The following ABLIM2 variants were observed in gnomAD, a reference collection of about 807,000 sequenced individuals.
ABLIM2 encodes actin binding LIM protein family member 2.
ABLIM2 carries 53 observed loss-of-function variants against 97.7 expected under a neutral mutation model. That is an observed-to-expected ratio of 0.54 (90% CI 0.44 to 0.68). The LOEUF is 0.68. ABLIM2 is among the 30% of genes least tolerant of loss of function. The pLI is 0.00. For synonymous variants in ABLIM2, 361 were observed against 345.8 expected (o/e 1.04, Z -0.49); for missense variants, 835 against 867.2 (o/e 0.96, Z 0.47).
Position 8,015,810 on chromosome 4 carries a change from G to A in ABLIM2, c.1423+3808C>T, listed in dbSNP as rs921527650. On this transcript the variant is annotated intron_variant, in intron 14 of 20. Transcript: ENST00000447017. The surrounding 1 kb of genome is among the most constrained non-coding windows in gnomAD (Gnocchi z 4.6). ...GGACTGTCCCTGCATCTGGAGAGTC[G>A]AACTTACTGGGAAATGTTGGGGAGC... Among the ~76,000 whole-genome samples, 2 of 152,162 alleles carry A rather than the reference G, an allele frequency of 1.3e-5. No individual in the cohort carries two copies. The highest frequency in any genetic ancestry group is 1.9e-4 in the East Asian group (1 of 5,178).
intron 2 of ABLIM2, among the ~76,000 whole-genome samples, chr4:8,104,539 T>C (rs1836243840): frequency 6.6e-6 from 1 of 152,168 alleles, no homozygotes; most frequent in Admixed American, 6.5e-5. Context: ...TCCCTGATAG[T>C]CACCCACGTC....
At chr4:8,141,856 G>A (rs1293825831) in intron 1 of ABLIM2, among the ~76,000 whole-genome samples, 2 of 152,232 alleles carry the variant, frequency 1.3e-5, no homozygotes, top group Non-Finnish European at 2.9e-5. Flanking sequence ...CCACCTGGGT[G>A]GGGCCAAATG....
Position 8,130,868 on chromosome 4 carries a change from C to A in ABLIM2, c.11-24231G>T, listed in dbSNP as rs1049458000. 6.6e-6 allele frequency among the ~76,000 whole-genome samples: 1 copy of A among 152,206 alleles called. No homozygotes were observed. Among genetic ancestry groups the A allele is most frequent in the African/African-American group, 2.4e-5 (1 of 41,442 alleles). Reference sequence around the variant, plus strand: ...CTAGGGCAGGCTGTCCTTGCCTTGCCTGGCTGCTGGGGCGGCCTGCATTTC... The same window carrying A: ...CTAGGGCAGGCTGTCCTTGCCTTGCATGGCTGCTGGGGCGGCCTGCATTTC... On this transcript the variant is annotated intron_variant, in intron 1 of 20. Coordinates refer to ENST00000447017, the MANE Select transcript of ABLIM2 (RefSeq NM_001130083.2). The surrounding 1 kb of genome is among the most constrained non-coding windows in gnomAD (Gnocchi z 4.2).
In ABLIM2 at chr4:8,120,116, G is replaced by C. The variant is rs1844653013; in HGVS notation, c.11-13479C>G. Among the ~76,000 whole-genome samples, 1 of 152,186 alleles carries C rather than the reference G, an allele frequency of 6.6e-6. No homozygotes were observed. The highest frequency in any genetic ancestry group is 2.4e-5 in the African/African-American group (1 of 41,450). ...TGGCGGCCCCCAGAGCCTGAGAGGAGCCTCTCCTCTGGGAGGCAGGAAGAG... is the reference window on the plus strand; with the variant it reads ...TGGCGGCCCCCAGAGCCTGAGAGGACCCTCTCCTCTGGGAGGCAGGAAGAG... On this transcript the variant is annotated intron_variant, in intron 1 of 20. Transcript: ENST00000447017. This position sits in a 1 kb window ranked among gnomAD's most constrained non-coding sequence, Gnocchi z 5.6.
intron 3 of ABLIM2, among the ~76,000 whole-genome samples, chr4:8,090,256 GGA>G (rs1372483062): frequency 6.6e-6 from 1 of 152,160 alleles, no homozygotes; most frequent in Admixed American, 6.5e-5. Flanking sequence ...AGACAGAGTG[GGA>G]GCCCCTCCCC....
chr4:8,092,854 T>A (rs1474289761), intron 3 of ABLIM2, among the ~76,000 whole-genome samples: 2 of 152,144 alleles, frequency 1.3e-5, no homozygotes, highest in East Asian at 1.9e-4. Flanking sequence ...TCCATTTTTT[T>A]AAAAGTTTTT....
chr4:8,059,879 C>G (rs1801757466), intron 7 of ABLIM2, among the ~76,000 whole-genome samples: 1 of 149,780 alleles, frequency 6.7e-6, no homozygotes, highest in South Asian at 2.1e-4. Flanking sequence ...GCACTTCCAG[C>G]CTGGGCAACA....
In ABLIM2 at chr4:8,009,249, A is replaced by C. The variant is rs950772096; in HGVS notation, c.1424-147T>G. The C allele has an allele frequency of 1.7e-5, 16 of 966,038 alleles. No individual in the cohort carries two copies. In the Admixed American group the frequency reaches 2.4e-4, roughly 15 times the overall value. 59.8% of individuals were successfully genotyped at this position (966,038 alleles called of 1,614,324 possible). A position where few individuals can be genotyped will look rare whatever the true frequency, so the allele number is the denominator to read the frequency against. On this transcript the variant is annotated intron_variant, in intron 14 of 20. Coordinates refer to ENST00000447017, the MANE Select transcript of ABLIM2 (RefSeq NM_001130083.2). ...TACGAGTGCCTTTCAAAGGGCAAGG[A>C]ACAAGGTAAGCTGGAGGAGGTCCCC...
At chr4:8,039,228 G>C (rs183715324) in intron 9 of ABLIM2, among the ~76,000 whole-genome samples, 1 of 152,270 alleles carries the variant, frequency 6.6e-6, no homozygotes, top group Non-Finnish European at 1.5e-5. Context: ...CCAGATGCCT[G>C]GCGGGGTGTG....
intron 10 of ABLIM2, among the ~76,000 whole-genome samples, chr4:8,034,049 C>T (rs1351220576): frequency 1.2e-4 from 18 of 152,200 alleles, no homozygotes; most frequent in Non-Finnish European, 2.9e-5. Flanking sequence ...AATCGCACGT[C>T]CCAGAGAGAG....
intron 6 of ABLIM2, among the ~76,000 whole-genome samples, chr4:8,064,768 C>A (rs565296489): frequency 1.3e-5 from 2 of 152,044 alleles, no homozygotes; most frequent in South Asian, 2.1e-4. Context: ...TGGGGACTCA[C>A]GGGGGAGTCT....
At position 8,067,676 on chromosome 4, in the gene ABLIM2, G is replaced by A. The variant is rs28715235; in HGVS notation, c.676-6622C>T. 0.39 allele frequency: 58,800 copies of A among 152,192 alleles called. 11,634 individuals carry two copies. Among genetic ancestry groups the A allele is most frequent in the East Asian group, 0.58 (3,001 of 5,154 alleles). The allele number at this position is 152,192 out of a possible 1,614,324, so 9.4% of individuals were successfully genotyped here. A position where few individuals can be genotyped will look rare whatever the true frequency, so the allele number is the denominator to read the frequency against. On this transcript the variant is annotated intron_variant, in intron 6 of 20. Coordinates refer to ENST00000447017, the MANE Select transcript of ABLIM2 (RefSeq NM_001130083.2). The surrounding 1 kb of genome is among the most constrained non-coding windows in gnomAD (Gnocchi z 5.4). ...TTCAGGCTCTGAGGAACACCACGGG[G>A]CCGTCAAGTGGACGGAGCAAATGTG...
chr4:7,967,258 C>T (rs1723626550), intron 20 of ABLIM2, among the ~76,000 whole-genome samples, 155 bp from the exon 21 acceptor site: 1 of 152,190 alleles, frequency 6.6e-6, no homozygotes, highest in Admixed American at 6.5e-5. Flanking sequence ...TCCTGACACC[C>T]TCTCTGCAGT....
intron 9 of ABLIM2, chr4:8,041,580 C>G (rs1788576209): frequency 6.6e-6 from 1 of 151,654 alleles, no homozygotes; most frequent in African/African-American, 2.4e-5. Context: ...ATCCCACGCT[C>G]CTTGCAAATG....
At position 8,150,741 on chromosome 4, in the gene ABLIM2, G is replaced by A. The variant is rs1173009808; in HGVS notation, c.10+7939C>T. ...CTGAGGATGCTGTGCCGAGAAAACC[G>A]GGAGCTGGGTGGCTCTCTGGAGACG... On this transcript the variant is annotated intron_variant, in intron 1 of 20. Coordinates refer to ENST00000447017, the MANE Select transcript of ABLIM2 (RefSeq NM_001130083.2). The surrounding 1 kb of genome is among the most constrained non-coding windows in gnomAD (Gnocchi z 6.3). Among the ~76,000 whole-genome samples, 1 of 152,150 alleles carries A rather than the reference G, an allele frequency of 6.6e-6. No homozygotes were observed. Among genetic ancestry groups the A allele is most frequent in the Non-Finnish European group, 1.5e-5 (1 of 68,024 alleles).
chr4:7,981,666 C>T (rs1324943494), intron 20 of ABLIM2, among the ~76,000 whole-genome samples: 2 of 152,218 alleles, frequency 1.3e-5, no homozygotes, highest in Non-Finnish European at 2.9e-5. Flanking sequence ...TGGATGCATC[C>T]CATCCCCAGT....
In ABLIM2 at chr4:8,071,813, T is replaced by G; in HGVS notation, c.675+5815A>C. The G allele has an allele frequency of 1.0e-6, 1 of 985,388 alleles. No individual in the cohort carries two copies. Among genetic ancestry groups the G allele is most frequent in the Non-Finnish European group, 1.2e-6 (1 of 829,956 alleles). 61.0% of individuals were successfully genotyped at this position (985,388 alleles called of 1,614,324 possible). ...CAGAGCCCAGTCTGACGGCCCTGCT[T>G]GAGTGCCGTGCTCCCTGGAACGTGT... On this transcript the variant is annotated intron_variant, in intron 6 of 20. Coordinates refer to ENST00000447017, the MANE Select transcript of ABLIM2 (RefSeq NM_001130083.2). The surrounding 1 kb of genome is among the most constrained non-coding windows in gnomAD (Gnocchi z 6.2).
At chr4:7,993,563 G>C (rs549819869) in intron 16 of ABLIM2, among the ~76,000 whole-genome samples, 11 of 152,294 alleles carry the variant, frequency 7.2e-5, no homozygotes, top group African/African-American at 2.4e-4. Flanking sequence ...TGTGGTCCCA[G>C]CTATTTGGGA....
At chr4:7,985,932 G>A (rs181546402) in intron 17 of ABLIM2, among the ~76,000 whole-genome samples, 11 of 152,354 alleles carry the variant, frequency 7.2e-5, no homozygotes, top group African/African-American at 1.9e-4. Context: ...CACAGGGGTC[G>A]GGCAGTCCTG....
Sources: allele counts gnomAD v4.1 joint callset (sites outside exome capture counted in the v4.1 genomes callset), GRCh38; gene constraint gnomAD v4.1.1; non-coding constraint Gnocchi (gnomAD v3.1); transcripts MANE v1.5; gene names NCBI Gene and HGNC (gene_info 2026-07-23, HGNC 2026-07-21).